The following GRM8 variants were observed in gnomAD, a reference collection of about 807,000 sequenced individuals.
GRM8 encodes glutamate metabotropic receptor 8.
Under a neutral mutation model 87.2 loss-of-function variants are expected in GRM8, and 47 were observed. The ratio of observed to expected loss-of-function variants is 0.54; its 90% CI spans 0.43 to 0.69. GRM8 has a LOEUF of 0.69. Ranked by LOEUF, GRM8 falls within the 30% of genes least tolerant of loss-of-function variation. GRM8 has a pLI of 0.00. For missense variants in GRM8, 1,019 were observed against 1,139.2 expected (o/e 0.89, Z 1.52); for synonymous variants, 396 against 404.5 (o/e 0.98, Z 0.25).
At chr7:126,579,394 T>C (rs1441213585) in intron 8 of GRM8, among the ~76,000 whole-genome samples, 2 of 152,222 alleles carry the variant, frequency 1.3e-5, no homozygotes, top group Non-Finnish European at 2.9e-5. Flanking sequence ...TCTTTTGATC[T>C]TTAAAAACTT....
rs572046694 is a variant in GRM8, at chr7:126,788,014, A to G, written c.1157-17949T>C. 1.7e-3 allele frequency among the ~76,000 whole-genome samples: 263 copies of G among 152,306 alleles called. 1 individual carries two copies. Among genetic ancestry groups the G allele is most frequent in the African/African-American group, 6.2e-3 (256 of 41,572 alleles). The stretch of plus-strand genomic sequence containing the variant: ...ATCTCCATCTAATTATTTCTATTTG[A>G]AAGTACCACATTAAAAAATGCAACT... On this transcript the variant is annotated intron_variant, in intron 6 of 10. Coordinates refer to ENST00000339582, the MANE Select transcript of GRM8 (RefSeq NM_000845.3).
intron 8 of GRM8, among the ~76,000 whole-genome samples, chr7:126,574,624 C>T (rs372611188): frequency 6.6e-6 from 1 of 152,144 alleles, no homozygotes; most frequent in East Asian, 1.9e-4. Flanking sequence ...CCAACTCTCT[C>T]TTCACTTTGC....
At chr7:126,670,611 G>C (rs1241674571) in intron 7 of GRM8, among the ~76,000 whole-genome samples, 1 of 152,070 alleles carries the variant, frequency 6.6e-6, no homozygotes, top group Admixed American at 6.6e-5. Context: ...AACTTTAACA[G>C]GTACTTTCAA....
chr7:126,767,432 C>T (rs1230600976), intron 7 of GRM8, among the ~76,000 whole-genome samples: 1 of 152,078 alleles, frequency 6.6e-6, no homozygotes, highest in Non-Finnish European at 1.5e-5. Context: ...GTCAAAGTCG[C>T]ATATGACACC....
intron 3 of GRM8, among the ~76,000 whole-genome samples, chr7:126,958,746 A>T (rs536038898): frequency 6.6e-6 from 1 of 152,272 alleles, no homozygotes; most frequent in South Asian, 2.1e-4. Flanking sequence ...TGACACCCCA[A>T]GGATCCTGTG....
chr7:126,659,179 C>T (rs1283769464), intron 7 of GRM8, among the ~76,000 whole-genome samples: 1 of 152,110 alleles, frequency 6.6e-6, no homozygotes, highest in Non-Finnish European at 1.5e-5. Context: ...AACCTCCCAG[C>T]CTTCCAGGAA....
At chr7:126,472,797 T>C (rs1040729085) in intron 9 of GRM8, among the ~76,000 whole-genome samples, 13 of 152,196 alleles carry the variant, frequency 8.5e-5, no homozygotes, top group African/African-American at 3.1e-4. Context: ...AGGGCCCTAC[T>C]GCTTCGTGCA....
chr7:127,104,788 AG>A (rs1441411343), intron 3 of GRM8, among the ~76,000 whole-genome samples: 2 of 152,242 alleles, frequency 1.3e-5, no homozygotes, highest in Non-Finnish European at 2.9e-5. Context: ...TTTATGTGAC[AG>A]TATTACCAAA....
intron 2 of GRM8, among the ~76,000 whole-genome samples, chr7:127,107,188 C>G (rs372793082): frequency 6.6e-6 from 1 of 152,148 alleles, no homozygotes; most frequent in African/African-American, 2.4e-5. Flanking sequence ...GATACCATTT[C>G]AGTCTTAAGA....
At chr7:126,756,992 G>A (rs1197128077) in intron 7 of GRM8, among the ~76,000 whole-genome samples, 1 of 152,188 alleles carries the variant, frequency 6.6e-6, no homozygotes, top group East Asian at 1.9e-4. Context: ...GTACTAAAAT[G>A]TAAACCTTTA....
chr7:126,902,444 A>T (rs1802186411), intron 6 of GRM8, 98 bp downstream of exon 6: 4 of 981,852 alleles, frequency 4.1e-6, no homozygotes, highest in Admixed American at 2.7e-5. Context: ...AATAGAAAAT[A>T]CATTCATCAT....
chr7:126,689,335 C>T (rs187021493), intron 7 of GRM8, among the ~76,000 whole-genome samples: 16 of 152,272 alleles, frequency 1.1e-4, no homozygotes, highest in Admixed American at 5.9e-4. Flanking sequence ...CATTCTTAGC[C>T]TCGGTATCCT....
intron 6 of GRM8, among the ~76,000 whole-genome samples, chr7:126,854,557 G>A (rs1490585061): frequency 6.6e-6 from 1 of 152,204 alleles, no homozygotes; most frequent in Non-Finnish European, 1.5e-5. Flanking sequence ...TGATGTAGAA[G>A]CAGCTGGTGC....
At chr7:126,853,046 A>T (rs1010461952) in intron 6 of GRM8, among the ~76,000 whole-genome samples, 2 of 152,184 alleles carry the variant, frequency 1.3e-5, no homozygotes, top group African/African-American at 4.8e-5. Flanking sequence ...TTTGTGATGG[A>T]TGGAATGTTT....
chr7:126,826,965 A>G (rs1794863732), intron 6 of GRM8, among the ~76,000 whole-genome samples: 1 of 152,226 alleles, frequency 6.6e-6, no homozygotes, highest in South Asian at 2.1e-4. Flanking sequence ...CGTTTATTAA[A>G]TAGGGAATCC....
At chr7:126,757,205 A>G (rs909547093) in intron 7 of GRM8, among the ~76,000 whole-genome samples, 2 of 152,130 alleles carry the variant, frequency 1.3e-5, no homozygotes, top group African/African-American at 4.8e-5. Flanking sequence ...AGTACAGATT[A>G]TACAATTTTA....
intron 3 of GRM8, among the ~76,000 whole-genome samples, chr7:127,044,837 TC>T (rs1359696651): frequency 1.3e-5 from 2 of 152,220 alleles, no homozygotes; most frequent in Non-Finnish European, 2.9e-5. Flanking sequence ...TTTTCTTCAA[TC>T]TTTTTCTTTA....
At chr7:126,633,301 C>A (rs1451149703) in intron 7 of GRM8, among the ~76,000 whole-genome samples, 1 of 152,046 alleles carries the variant, frequency 6.6e-6, no homozygotes, top group Non-Finnish European at 1.5e-5. Context: ...TTACAGTTCA[C>A]CAGTGAGTCC....
At chr7:126,781,143 G>A (rs1007616858) in intron 6 of GRM8, among the ~76,000 whole-genome samples, 2 of 152,168 alleles carry the variant, frequency 1.3e-5, no homozygotes, top group Admixed American at 1.3e-4. Flanking sequence ...GACAGAAATA[G>A]CATGTCCTGC....
Sources: allele counts gnomAD v4.1 joint callset (sites outside exome capture counted in the v4.1 genomes callset), GRCh38; gene constraint gnomAD v4.1.1; transcripts MANE v1.5; gene names NCBI Gene and HGNC (gene_info 2026-07-23, HGNC 2026-07-21).